Variants in ESRP1 observed in about 807,000 individuals in gnomAD.
ESRP1 encodes the protein epithelial splicing regulatory protein 1.
Under a neutral mutation model 81.7 loss-of-function variants are expected in ESRP1, and 33 were observed. The ratio of observed to expected loss-of-function variants is 0.40; its 90% confidence interval spans 0.31 to 0.54. ESRP1 has a LOEUF of 0.54. ESRP1 is among the 20% of genes least tolerant of loss of function. The pLI, the probability that ESRP1 is intolerant of heterozygous loss-of-function variation, is 0.41. For synonymous variants in ESRP1, 320 were observed against 303.3 expected (o/e 1.06, Z -0.57); for missense variants, 672 against 833.1 (o/e 0.81, Z 2.38).
chr8:94,681,124 G>C (rs1197302722), intron 13 of ESRP1, among the ~76,000 whole-genome samples: 1 of 151,704 alleles, frequency 6.6e-6, no homozygotes. Context: ...AGGAGATAGA[G>C]ACCATCCTGG....
chr8:94,686,356 G>A (rs1475218576), intron 13 of ESRP1, among the ~76,000 whole-genome samples: 1 of 152,214 alleles, frequency 6.6e-6, no homozygotes, highest in African/African-American at 2.4e-5. Context: ...GCAGCTTACT[G>A]AAGGAGCCTT....
In ESRP1 at chr8:94,674,293, C is replaced by A; in HGVS notation, c.1453-15C>A. The A allele has an allele frequency of 6.2e-7, 1 of 1,605,460 alleles. No homozygotes were observed. The highest frequency in any genetic ancestry group is 1.3e-5 in the African/African-American group (1 of 74,206). On this transcript the variant is annotated splice_polypyrimidine_tract_variant and intron_variant, in intron 11 of 15. Transcript: ENST00000433389. ...ACAGTCTCCTTTTGTTTTTATTCTT[C>A]CCCCACACACTCAGGGCCGCCCATC...
intron 3 of ESRP1, among the ~76,000 whole-genome samples, chr8:94,643,827 TC>T (rs1817725381): frequency 6.6e-6 from 1 of 152,230 alleles, no homozygotes; most frequent in Admixed American, 6.5e-5. Flanking sequence ...AAAGAACTAT[TC>T]TTTAGTATGT....
intron 1 of ESRP1, 103 bp downstream of exon 1, chr8:94,641,553 GTT>G: frequency 6.7e-7 from 1 of 1,501,896 alleles, no homozygotes; most frequent in Admixed American, 1.7e-5. Flanking sequence ...AAGTGCTCTT[GTT>G]TGCCCACTTG....
chr8:94,702,518 A>G (rs1231419542), intron 15 of ESRP1, among the ~76,000 whole-genome samples: 3 of 152,246 alleles, frequency 2.0e-5, no homozygotes, highest in Admixed American at 6.5e-5. Context: ...ATTAAAAAGA[A>G]CAAACTTTTT....
At chr8:94,705,767 T>G in intron 15 of ESRP1, 158 bp from the exon 16 acceptor site, 3 of 657,554 alleles carry the variant, frequency 4.6e-6, no homozygotes, top group Non-Finnish European at 7.6e-6. Context: ...GCCATGTAAA[T>G]GCCAACTATG....
intron 13 of ESRP1, among the ~76,000 whole-genome samples, chr8:94,688,890 C>T (rs1586245920): frequency 6.6e-6 from 1 of 152,102 alleles, no homozygotes; most frequent in African/African-American, 2.4e-5. Flanking sequence ...GTACAAAAGA[C>T]AGCTGGAATT....
chr8:94,701,956 T>C (rs1809858062), intron 15 of ESRP1, among the ~76,000 whole-genome samples: 1 of 152,206 alleles, frequency 6.6e-6, no homozygotes, highest in African/African-American at 2.4e-5. Flanking sequence ...TGCATGCCTG[T>C]AGTCCAAGTT....
intron 4 of ESRP1, 52 bp downstream of exon 4, chr8:94,646,334 A>AAAAAT (rs57602858): frequency 3.2e-6 from 4 of 1,251,966 alleles, no homozygotes; most frequent in East Asian, 2.5e-5. Context: ...GTTCCAGAAA[A>AAAAAT]GGTAATTCAA....
intron 15 of ESRP1, among the ~76,000 whole-genome samples, chr8:94,701,765 GT>G (rs1367849086): frequency 6.6e-6 from 1 of 152,050 alleles, no homozygotes; most frequent in East Asian, 1.9e-4. Flanking sequence ...TTTCGTATCT[GT>G]TAGGTCTCAA....
At chr8:94,697,189 C>T (rs10094449) in intron 15 of ESRP1, among the ~76,000 whole-genome samples, 1,869 of 152,210 alleles carry the variant, frequency 0.012, 37 homozygotes, top group African/African-American at 0.043. Context: ...CAAGGGAAAA[C>T]TTTTCCCTTT....
At position 94,661,651 on chromosome 8, in the gene ESRP1, A is replaced by G. The variant is rs74812645; in HGVS notation, c.491-621A>G. Among the ~76,000 whole-genome samples, 202 of 152,326 alleles carry G rather than the reference A, an allele frequency of 1.3e-3. 5 individuals are homozygous for G. In the East Asian group the frequency reaches 0.038, roughly 28 times the overall value. On this transcript the variant is annotated intron_variant, in intron 4 of 15. Coordinates refer to ENST00000433389, the MANE Select transcript of ESRP1 (RefSeq NM_017697.4). Reference sequence around the variant, plus strand: ...GTTTCAAAGAGTATACTTTTGGTAAAGAAGCACATTGGCCTGTGTTGGCTC... The same window carrying G: ...GTTTCAAAGAGTATACTTTTGGTAAGGAAGCACATTGGCCTGTGTTGGCTC...
Position 94,641,971 on chromosome 8 carries a change from G to C in ESRP1, c.148G>C (p.Glu50Gln), listed in dbSNP as rs1285937901. The change falls in exon 2 of 16, where the codon GAA becomes CAA. Residue 50 changes from glutamate to glutamine, a missense_variant. Glu to Gln is a conservative substitution (Grantham distance 29). Coordinates refer to ENST00000433389, the MANE Select transcript of ESRP1 (RefSeq NM_017697.4). ...ACCTTCGGAGGTGGGACAGTTGCAC[G>C]AAGTGCTAGTTAGACCGGATCAGTT... ...LANKKVGQLH[E>Q]VLVRPDQLEL... 3 of 1,613,902 alleles carry C rather than the reference G, an allele frequency of 1.9e-6. No homozygotes were observed. The highest frequency in any genetic ancestry group is 2.5e-6 in the Non-Finnish European group (3 of 1,179,832).
chr8:94,705,058 T>C (rs1007960674), intron 15 of ESRP1, among the ~76,000 whole-genome samples: 1 of 151,324 alleles, frequency 6.6e-6, no homozygotes, highest in African/African-American at 2.4e-5. Flanking sequence ...TATGTGGGGA[T>C]GAAATAAATT....
intron 4 of ESRP1, among the ~76,000 whole-genome samples, chr8:94,652,769 G>A (rs904046655): frequency 2.6e-5 from 4 of 152,136 alleles, no homozygotes; most frequent in Non-Finnish European, 5.9e-5. Flanking sequence ...AAGGAGGACA[G>A]GTGAAAAAAA....
At chr8:94,666,530 A>G (rs533621251) in intron 9 of ESRP1, among the ~76,000 whole-genome samples, 2 of 152,348 alleles carry the variant, frequency 1.3e-5, no homozygotes, top group East Asian at 1.9e-4. Context: ...TTTGACACCT[A>G]TTGCCAAATT....
At chr8:94,663,501 A>C (rs375252264) in intron 6 of ESRP1, among the ~76,000 whole-genome samples, 1 of 151,904 alleles carries the variant, frequency 6.6e-6, no homozygotes, top group Admixed American at 6.6e-5. Flanking sequence ...CCACCTTGAC[A>C]TCCCAAAGTG....
intron 13 of ESRP1, among the ~76,000 whole-genome samples, chr8:94,689,515 A>G (rs959890824): frequency 1.3e-5 from 2 of 152,040 alleles, no homozygotes; most frequent in African/African-American, 4.8e-5. Flanking sequence ...TATTAGATCT[A>G]GTAGTTTTTT....
intron 4 of ESRP1, 44 bp from the exon 5 acceptor site, chr8:94,662,228 C>T: frequency 1.3e-5 from 16 of 1,254,888 alleles, no homozygotes; most frequent in South Asian, 2.8e-5. Flanking sequence ...TAGAAGTAAC[C>T]TGATTTTACC....
Sources: gnomAD v4.1 joint callset for allele counts (sites outside exome capture counted in the v4.1 genomes callset) on GRCh38, gnomAD v4.1.1 for gene constraint, MANE v1.5 for transcripts, NCBI Gene and HGNC (gene_info 2026-07-23, HGNC 2026-07-21) for gene names.